KLF7: variants seen among roughly 807,000 people sequenced by gnomAD.
KLF7 encodes the protein KLF transcription factor 7, also known as Krueppel-like factor 7.
In KLF7, 2 loss-of-function variants were observed where a neutral mutation model predicts 27.3. The ratio of observed to expected loss-of-function variants is 0.07; its 90% CI spans 0.03 to 0.23. The LOEUF (loss-of-function observed/expected upper bound fraction) is 0.23. Ranked by LOEUF, KLF7 falls within the 10% of genes least tolerant of loss-of-function variation. The pLI is 1.00. For missense variants in KLF7, 221 were observed against 394.1 expected (o/e 0.56, Z 3.72); for synonymous variants, 165 against 162.4 (o/e 1.02, Z -0.12).
chr2:207,151,443 G>A (rs2106107093), intron 1 of KLF7, among the ~76,000 whole-genome samples: 1 of 152,116 alleles, frequency 6.6e-6, no homozygotes, highest in East Asian at 1.9e-4. Context: ...CTCAAGTTCT[G>A]GTATTTGTGA....
chr2:207,085,393 T>C (rs910477250), intron 3 of KLF7, among the ~76,000 whole-genome samples: 2 of 151,948 alleles, frequency 1.3e-5, no homozygotes, highest in African/African-American at 4.8e-5. Flanking sequence ...AGTCAGTCGG[T>C]AGAATGAGGG....
chr2:207,115,178 C>CA (rs373367434), intron 2 of KLF7, among the ~76,000 whole-genome samples: 143 of 136,658 alleles, frequency 1.0e-3, no homozygotes, highest in South Asian at 2.3e-3. Context: ...ATGTCAGTTG[C>CA]AAAAAAAAAA....
chr2:207,095,031 CTTTT>C (rs36091471), intron 2 of KLF7, among the ~76,000 whole-genome samples: 1 of 82,418 alleles, frequency 1.2e-5, no homozygotes, highest in African/African-American at 4.8e-5. Context: ...TGTTTTTATT[CTTTT>C]TTTTTTTTTT....
chr2:207,149,554 C>T (rs1574568202), intron 1 of KLF7, among the ~76,000 whole-genome samples: 3 of 152,320 alleles, frequency 2.0e-5, no homozygotes, highest in Admixed American at 6.5e-5. Flanking sequence ...TCGGGAGAGC[C>T]TCTCACAGAC....
intron 1 of KLF7, among the ~76,000 whole-genome samples, chr2:207,164,267 C>T (rs2078633717): frequency 1.3e-5 from 2 of 152,348 alleles, no homozygotes; most frequent in African/African-American, 4.8e-5. Flanking sequence ...TAACAAGCTG[C>T]TGTCACTAAG....
chr2:207,169,988 A>AAGAGTGACC (rs2078774541), upstream of KLF7, among the ~76,000 whole-genome samples: 1 of 152,158 alleles, frequency 6.6e-6, no homozygotes, highest in Non-Finnish European at 1.5e-5. Flanking sequence ...AAGTGAAAGG[A>AAGAGTGACC]AGAGTGACAT....
chr2:207,100,603 A>T lies in KLF7; in HGVS notation c.734-12022T>A, dbSNP rs1430360316. Among the ~76,000 whole-genome samples, 6 of 151,760 alleles carry T rather than the reference A, an allele frequency of 4.0e-5. No individual in the cohort carries two copies. In the East Asian group the frequency reaches 1.2e-3, roughly 29 times the overall value. On this transcript the variant is annotated intron_variant, in intron 2 of 3. Coordinates refer to ENST00000309446, the MANE Select transcript of KLF7 (RefSeq NM_003709.4). Reference sequence around the variant, plus strand: ...ATCCCTAGACAGCCCCCGCTCCCCAACTCCCGCCCAAGCCTTTCTCACTCG... The same window carrying T: ...ATCCCTAGACAGCCCCCGCTCCCCATCTCCCGCCCAAGCCTTTCTCACTCG...
chr2:207,133,135 CCCCTCATCTCCTATG>C (rs1340450712), intron 1 of KLF7, among the ~76,000 whole-genome samples: 2 of 152,146 alleles, frequency 1.3e-5, no homozygotes, highest in East Asian at 1.9e-4. Flanking sequence ...TGTATGCTAT[CCCCTCATCTCCTATG>C]CCCTCATCTC....
chr2:207,139,754 T>C (rs2077888758), intron 1 of KLF7, among the ~76,000 whole-genome samples: 1 of 152,202 alleles, frequency 6.6e-6, no homozygotes, highest in Non-Finnish European at 1.5e-5. Flanking sequence ...ATTTCCGAGT[T>C]CTCTCTGGTC....
At chr2:207,155,444 A>G (rs944710946) in intron 1 of KLF7, among the ~76,000 whole-genome samples, 2 of 152,176 alleles carry the variant, frequency 1.3e-5, no homozygotes, top group East Asian at 1.9e-4. Flanking sequence ...AAATTCTGTA[A>G]TATCTGTCTG....
intron 2 of KLF7, among the ~76,000 whole-genome samples, chr2:207,115,860 T>C (rs768451106): frequency 6.6e-6 from 1 of 152,242 alleles, no homozygotes; most frequent in Non-Finnish European, 1.5e-5. Flanking sequence ...TATAATCCAC[T>C]GACCACAACA....
At chr2:207,115,986 A>C (rs1432485406) in intron 2 of KLF7, among the ~76,000 whole-genome samples, 1 of 152,188 alleles carries the variant, frequency 6.6e-6, no homozygotes, top group African/African-American at 2.4e-5. Flanking sequence ...AAGGGATCAG[A>C]TATTAGGTAC....
intron 1 of KLF7, among the ~76,000 whole-genome samples, chr2:207,141,154 C>A (rs1314399869): frequency 1.3e-5 from 2 of 152,126 alleles, no homozygotes; most frequent in Non-Finnish European, 2.9e-5. Flanking sequence ...TAATAAATTT[C>A]TCATGACCAA....
At position 207,124,339 on chromosome 2, in the gene KLF7, C is replaced by A; in HGVS notation, c.168G>T (p.Glu56Asp). 4 of 1,606,370 alleles carry A rather than the reference C, an allele frequency of 2.5e-6. No homozygotes were observed. The highest frequency in any genetic ancestry group is 3.4e-6 in the Non-Finnish European group (4 of 1,174,092). ...EPRRISETFGEDLDCFLHASP... is the reference protein window; with the variant it reads ...EPRRISETFGDDLDCFLHASP... ...AAGCGTGGAGGAAACAGTCCAAGTC[C>A]TCACCAAAGGTCTCTGAGATCCTCC... The change falls in exon 2 of 4, where the codon GAG (glutamate) becomes GAT (aspartate). Residue 56 changes from glutamate (E) to aspartate (D), a missense_variant. Transcript: ENST00000309446.
upstream of KLF7, chr2:207,166,907 C>G (rs867834040): frequency 3.1e-4 from 327 of 1,047,308 alleles, 1 homozygote; most frequent in Middle Eastern, 2.4e-3. Flanking sequence ...GCCCGCCCCC[C>G]GCTTGCGCAC....
At chr2:207,087,379 G>A (rs925807233) in intron 3 of KLF7, among the ~76,000 whole-genome samples, 2 of 152,074 alleles carry the variant, frequency 1.3e-5, no homozygotes, top group African/African-American at 4.8e-5. Context: ...CTAAGCCAAC[G>A]TGACCAGTCT....
intron 1 of KLF7, among the ~76,000 whole-genome samples, chr2:207,148,652 A>G (rs957108030): frequency 2.6e-5 from 4 of 152,188 alleles, no homozygotes; most frequent in Non-Finnish European, 4.4e-5. Context: ...GCTTCTCTTG[A>G]AAAACCAAAA....
chr2:207,084,649 A>G (rs1466991104), intron 3 of KLF7, among the ~76,000 whole-genome samples: 2 of 152,220 alleles, frequency 1.3e-5, no homozygotes, highest in Non-Finnish European at 2.9e-5. Flanking sequence ...ATACTTATTA[A>G]TTTATACTTA....
chr2:207,159,346 T>C (rs10932179), intron 1 of KLF7, among the ~76,000 whole-genome samples: 148,267 of 152,296 alleles, frequency 0.97, 72,296 homozygotes, highest in East Asian at 1. Context: ...AAATCTCAAG[T>C]ATGTTTTATA....
Sources: gnomAD v4.1 joint callset for allele counts (sites outside exome capture counted in the v4.1 genomes callset) on GRCh38, gnomAD v4.1.1 for gene constraint, MANE v1.5 for transcripts, NCBI Gene and HGNC (gene_info 2026-07-23, HGNC 2026-07-21) for gene names.